Variants in PNPLA3 observed in about 807,000 individuals in gnomAD.
PNPLA3 encodes the protein patatin like domain 3, 1-acylglycerol-3-phosphate O-acyltransferase, also known as 1-acylglycerol-3-phosphate O-acyltransferase PNPLA3.
Under a neutral mutation model 43.1 loss-of-function variants are expected in PNPLA3, and 42 were observed. The ratio of observed to expected loss-of-function variants is 0.97; its 90% CI spans 0.76 to 1.26. PNPLA3 has a LOEUF of 1.26. Ranked by LOEUF, PNPLA3 falls within the 50% of genes most tolerant of loss-of-function variation. PNPLA3 has a pLI of 0.00. For missense variants in PNPLA3, 647 were observed against 621.4 expected, an observed-to-expected ratio of 1.04 and a Z score of -0.44; for synonymous variants, 272 against 253.6, an observed-to-expected ratio of 1.07 and a Z score of -0.69.
At position 43,932,913 on chromosome 22, in the gene PNPLA3, C is replaced by G; in HGVS notation, c.522C>G (p.Pro174=). The change falls in exon 4 of 9, where the codon CCC becomes CCG. Residue 174 remains proline (P), a synonymous_variant. Coordinates refer to ENST00000216180, the MANE Select transcript of PNPLA3 (RefSeq NM_025225.3). ...ATGGAGGAGTGAGTGACAACGTACC[C>G]TTCATTGATGCCAAAACAACCATCA... ...YVDGGVSDNV[P]FIDAKTTITV... The G allele has an allele frequency of 6.2e-7, 1 of 1,614,226 alleles. No individual in the cohort carries two copies. Among genetic ancestry groups the G allele is most frequent in the Non-Finnish European group, 8.5e-7 (1 of 1,180,044 alleles).
At chr22:43,945,660 G>C (rs899096025) in intron 8 of PNPLA3, among the ~76,000 whole-genome samples, 1 of 152,162 alleles carries the variant, frequency 6.6e-6, no homozygotes, top group African/African-American at 2.4e-5. Flanking sequence ...CCAAGTAGAG[G>C]GTGGATCCTG....
intron 6 of PNPLA3, 32 bp downstream of exon 6, chr22:43,937,304 A>T: frequency 6.3e-7 from 1 of 1,593,544 alleles, no homozygotes; most frequent in African/African-American, 1.3e-5. Flanking sequence ...CACGGGCAGC[A>T]CCTTGTTTTC....
rs781005830 is a variant in PNPLA3 at position 43,933,018 on chromosome 22, G to A, written c.627G>A (p.Lys209=). Residue 209 remains lysine, a synonymous_variant, in exon 4 of 9, where the codon AAG becomes AAA. Transcript: ENST00000216180. ...ACTTTCTTCATGTGGACATCACCAA[G>A]CTCAGTCTACGCCTCTGCACAGGGA... ...STNFLHVDIT[K]LSLRLCTGNL... is the part of the protein sequence containing the mutation. 2 of 1,614,158 alleles carry A rather than the reference G, an allele frequency of 1.2e-6. No homozygotes were observed. Among genetic ancestry groups the A allele is most frequent in the South Asian group, 2.2e-5 (2 of 91,082 alleles).
intron 6 of PNPLA3, among the ~76,000 whole-genome samples, chr22:43,937,952 C>T (rs1183254873): frequency 3.3e-5 from 5 of 152,124 alleles, no homozygotes; most frequent in African/African-American, 1.2e-4. Context: ...GAGATTAGGT[C>T]ATGAGGAAAG....
rs2050000322 is a variant in PNPLA3 at position 43,937,082 on chromosome 22, G to T, written c.789G>T (p.Lys263Asn). 6.2e-7 allele frequency: 1 copy of T among 1,613,962 alleles called. No homozygotes were observed. The highest frequency in any genetic ancestry group is 8.5e-7 in the Non-Finnish European group (1 of 1,180,032). ...GCAACAGGCCCCAGCCAGGCCTGAA[G>T]TCATCCTCAGAAGGGATGGATCCTG... The part of the protein sequence containing the change: ...GICNRPQPGL[K>N]SSSEGMDPEV... The change falls in exon 6 of 9, where the codon AAG becomes AAT. Residue 263 changes from lysine (K) to asparagine (N), a missense_variant. Transcript: ENST00000216180.
chr22:43,944,548 C>G, intron 7 of PNPLA3, 143 bp from the exon 8 acceptor site: 2 of 672,878 alleles, frequency 3.0e-6, no homozygotes, highest in Non-Finnish European at 5.3e-6. Flanking sequence ...GTGGGCTTGT[C>G]CTTGTCCTAG....
At chr22:43,946,116 G>A (rs757396903) in intron 8 of PNPLA3, 38 bp from the exon 9 acceptor site, 4 of 1,591,408 alleles carry the variant, frequency 2.5e-6, no homozygotes, top group Non-Finnish European at 3.4e-6. Context: ...TGCAGCAGCG[G>A]GAACGGCCTC....
At chr22:43,926,548 A>G (rs762110378) in intron 1 of PNPLA3, among the ~76,000 whole-genome samples, 60 of 152,212 alleles carry the variant, frequency 3.9e-4, no homozygotes, top group Non-Finnish European at 7.1e-4. Context: ...GGCCTACAGC[A>G]GTGCTGTGTG....
rs2049905969 is a variant in PNPLA3 at position 43,924,176 on chromosome 22, G to A, written c.187+78G>A. The A allele has an allele frequency of 3.0e-6, 4 of 1,354,868 alleles. 1 individual carries two copies. The highest frequency in any genetic ancestry group is 3.4e-5 in the South Asian group (2 of 59,178). 83.9% of individuals were successfully genotyped at this position (1,354,868 alleles called of 1,614,324 possible). On this transcript the variant is annotated intron_variant, in intron 1 of 8. Transcript: ENST00000216180. The stretch of plus-strand genomic sequence containing the variant: ...GCCGGGGAGCGGGGGATCCCCAGGG[G>A]TCGCGGGGCCCTGGAGGAGCGGGCA...
At chr22:43,939,725 A>G (rs1421985415) in intron 6 of PNPLA3, among the ~76,000 whole-genome samples, 1 of 152,208 alleles carries the variant, frequency 6.6e-6, no homozygotes, top group East Asian at 1.9e-4. Context: ...CTGAGGCAGA[A>G]GAATCGCTTG....
chr22:43,935,614 G>A lies in PNPLA3; in HGVS notation c.757+948G>A, dbSNP rs116281826. ...CTTAGGCATGGGGACCCATGGATGC[G>A]AGGCCTGTAGGACACAGACAGGATG... is the stretch of plus-strand genomic sequence containing the variant. On this transcript the variant is annotated intron_variant, in intron 5 of 8. Coordinates refer to ENST00000216180, the MANE Select transcript of PNPLA3 (RefSeq NM_025225.3). 4.3e-3 allele frequency among the ~76,000 whole-genome samples: 658 copies of A among 152,044 alleles called. 6 individuals carry two copies. Among genetic ancestry groups the A allele is most frequent in the African/African-American group, 0.015 (631 of 41,430 alleles).
chr22:43,932,760 C>G (rs1281244973), intron 3 of PNPLA3, 118 bp from the exon 4 acceptor site: 2 of 842,722 alleles, frequency 2.4e-6, no homozygotes, highest in African/African-American at 3.3e-5. Context: ...TGTCCTCCCT[C>G]CATATCAGCC....
rs760197518 is a variant in PNPLA3, at chr22:43,927,091, G to A, written c.344G>A (p.Gly115Asp). The change falls in exon 2 of 9, where the codon GGC (glycine) becomes GAC (aspartate). Residue 115 changes from glycine to aspartate, a missense_variant. Gly to Asp is a moderately conservative substitution (Grantham distance 94). Transcript: ENST00000216180. ...NVHQLISGKIGISLTRVSDGE... is the reference protein window; with the variant it reads ...NVHQLISGKIDISLTRVSDGE... ...CACCAGCTCATCTCCGGCAAAATAG[G>A]CATCTCTCTTACCAGAGTGTCTGAT... The A allele has an allele frequency of 2.8e-5, 45 of 1,614,112 alleles. No homozygotes were observed. Among genetic ancestry groups the A allele is most frequent in the Non-Finnish European group, 3.4e-5 (40 of 1,180,048 alleles).
At chr22:43,924,424 G>T (rs955345428) in intron 1 of PNPLA3, 7 of 326,374 alleles carry the variant, frequency 2.1e-5, no homozygotes, top group African/African-American at 1.3e-4. Context: ...TCGGAGCGAC[G>T]GGGAGTAGGG....
At position 43,946,292 on chromosome 22, in the gene PNPLA3, C is replaced by T; in HGVS notation, c.1356C>T (p.Ser452=). ...AEATPRSILR[S]SLNFFLGNKV... ...CCACCCCGCGGTCCATCCTCAGGTC[C>T]AGCCTGAACTTCTTCTTGGGCAATA... The change falls in exon 9 of 9, where the codon TCC becomes TCT. Residue 452 remains serine (S), a synonymous_variant. Transcript: ENST00000216180. 6.2e-7 allele frequency: 1 copy of T among 1,614,176 alleles called. No homozygotes were observed. Among genetic ancestry groups the T allele is most frequent in the East Asian group, 2.2e-5 (1 of 44,880 alleles).
At position 43,923,823 on chromosome 22, in the gene PNPLA3, C is replaced by T. The variant is rs1327680347; in HGVS notation, c.-89C>T. The stretch of plus-strand genomic sequence containing the variant: ...GCAGGGTAGAGAGCGCTTGCGGGCG[C>T]CGGGCGGAGCTGCTGCGGATCAGGA... On this transcript the variant is annotated 5_prime_UTR_variant, in exon 1 of 9. Coordinates refer to ENST00000216180, the MANE Select transcript of PNPLA3 (RefSeq NM_025225.3). The T allele has an allele frequency of 1.5e-6, 2 of 1,313,218 alleles. No homozygotes were observed. Among genetic ancestry groups the T allele is most frequent in the East Asian group, 3.0e-5 (1 of 32,830 alleles). 81.3% of individuals were successfully genotyped at this position (1,313,218 alleles called of 1,614,324 possible). A position where few individuals can be genotyped will look rare whatever the true frequency, so the allele number is the denominator to read the frequency against.
chr22:43,927,239 C>T, intron 2 of PNPLA3, 72 bp downstream of exon 2: 1 of 1,427,152 alleles, frequency 7.0e-7, no homozygotes, highest in African/African-American at 1.4e-5. Flanking sequence ...TGGCTCATGC[C>T]TGTCATCCCG....
chr22:43,938,751 A>T (rs2050012272), intron 6 of PNPLA3, among the ~76,000 whole-genome samples: 1 of 152,224 alleles, frequency 6.6e-6, no homozygotes, highest in South Asian at 2.1e-4. Context: ...GACCAGATTA[A>T]TACGATTTGA....
rs565358703 is a variant in PNPLA3 at position 43,928,597 on chromosome 22, G to A, written c.421-227G>A. ...TGGGGAGCAAGGAGAGGAAGTTGAA[G>A]TTCACTGACAGGGTTGTTAAGGGGA... is the stretch of plus-strand genomic sequence containing the variant. On this transcript the variant is annotated intron_variant, in intron 2 of 8. Coordinates refer to ENST00000216180, the MANE Select transcript of PNPLA3 (RefSeq NM_025225.3). Among the ~76,000 whole-genome samples, 57 of 151,718 alleles carry A rather than the reference G, an allele frequency of 3.8e-4. 1 individual carries two copies. The highest frequency in any genetic ancestry group is 1.3e-3 in the African/African-American group (55 of 41,474).
Sources: allele counts gnomAD v4.1 joint callset (sites outside exome capture counted in the v4.1 genomes callset), GRCh38; gene constraint gnomAD v4.1.1; transcripts MANE v1.5; gene names NCBI Gene and HGNC (gene_info 2026-07-23, HGNC 2026-07-21).